The following DMD variants were observed in gnomAD, a reference collection of about 807,000 sequenced individuals.
The protein encoded by DMD is dystrophin, also known as mutant dystrophin.
DMD carries 63 observed loss-of-function variants against 330.1 expected under a neutral mutation model. The observed-to-expected ratio is 0.19, with a 90% CI of 0.16 to 0.24. The LOEUF is 0.24. DMD is among the 10% of genes least tolerant of loss of function. The pLI is 1.00. For synonymous variants in DMD, 1,223 were observed against 959.8 expected, an observed-to-expected ratio of 1.27 and a Z score of -5.07; for missense variants, 3,344 against 2,684.1, an observed-to-expected ratio of 1.25 and a Z score of -5.43.
At chrX:32,411,364 T>C (rs771900821) in intron 30 of DMD, among the ~76,000 whole-genome samples, 1 of 110,641 alleles carries the variant, frequency 9.0e-6, no homozygotes, top group East Asian at 2.9e-4. Context: ...CTCCTGACAT[T>C]GTGATTCGTG....
intron 45 of DMD, among the ~76,000 whole-genome samples, chrX:31,963,785 AC>A (rs1208490511): frequency 2.1e-5 from 2 of 94,430 alleles, no homozygotes; most frequent in African/African-American, 8.6e-5. Context: ...TAGAGGAAAA[AC>A]CTTTTTTTTT....
In DMD at chrX:32,454,528, TATTA is replaced by T. The variant is rs1174129664; in HGVS notation, c.3603+130_3603+133del. ...ATTAAACTTGAAGCTAAATTAAAAT[TATTA>T]ATTAAAAATCAACCTCTTCTCTTAG... On this transcript the variant is annotated intron_variant, in intron 26 of 78. Coordinates refer to ENST00000357033, the MANE Select transcript of DMD (RefSeq NM_004006.3). The T allele has an allele frequency of 8.1e-5, 41 of 505,504 alleles. No individual in the cohort carries two copies. In the East Asian group the frequency reaches 1.3e-3, roughly 16 times the overall value. The allele number at this position is 505,504 out of a possible 1,213,427, so 41.7% of individuals were successfully genotyped here. A position where few individuals can be genotyped will look rare whatever the true frequency, so the allele number is the denominator to read the frequency against.
At chrX:32,495,083 A>T (rs2043357231) in intron 19 of DMD, among the ~76,000 whole-genome samples, 1 of 112,263 alleles carries the variant, frequency 8.9e-6, no homozygotes, top group Non-Finnish European at 1.9e-5. Flanking sequence ...TTTCAAAAAA[A>T]ACGTGGAAAT....
intron 44 of DMD, among the ~76,000 whole-genome samples, chrX:32,125,122 A>G (rs1333258373): frequency 9.0e-6 from 1 of 110,763 alleles, no homozygotes; most frequent in African/African-American, 3.3e-5. Context: ...TGAAGGAGAA[A>G]TCTAGCCAAG....
chrX:31,771,593 C>T (rs1257895054), intron 51 of DMD, among the ~76,000 whole-genome samples: 2 of 109,406 alleles, frequency 1.8e-5, no homozygotes, highest in East Asian at 2.9e-4. Flanking sequence ...ACCTCTGGTC[C>T]AGGATTCAAG....
At chrX:33,129,393 CA>C (rs1482870721) in intron 1 of DMD, among the ~76,000 whole-genome samples, 1 of 77,433 alleles carries the variant, frequency 1.3e-5, no homozygotes, top group African/African-American at 5.2e-5. Flanking sequence ...ATGTGCTCAA[CA>C]TATGTTTATT....
intron 9 of DMD, among the ~76,000 whole-genome samples, chrX:32,656,803 TTTTAA>T (rs2060605691): frequency 8.9e-6 from 1 of 111,851 alleles, no homozygotes; most frequent in Non-Finnish European, 1.9e-5. Context: ...TTTGGGGTAA[TTTTAA>T]TTTCTTATTT....
chrX:32,154,389 G>A (rs1158114884), intron 44 of DMD, among the ~76,000 whole-genome samples: 1 of 111,849 alleles, frequency 8.9e-6, no homozygotes, highest in African/African-American at 3.2e-5. Context: ...TTACATAACC[G>A]TATGTTAATT....
At chrX:32,356,881 T>C (rs1296720761) in intron 37 of DMD, among the ~76,000 whole-genome samples, 2 of 111,901 alleles carry the variant, frequency 1.8e-5, no homozygotes, top group Non-Finnish European at 3.8e-5. Context: ...TATTTTATTA[T>C]TGAAATTTTT....
intron 55 of DMD, among the ~76,000 whole-genome samples, chrX:31,615,116 C>G (rs5972419): frequency 0.018 from 1,949 of 111,279 alleles, 19 homozygotes; most frequent in East Asian, 0.039. Context: ...AGACCAATAA[C>G]CCTAAAAAAT....
At chrX:31,309,228 A>G (rs920072716) in intron 62 of DMD, among the ~76,000 whole-genome samples, 1 of 112,361 alleles carries the variant, frequency 8.9e-6, no homozygotes, top group Non-Finnish European at 1.9e-5. Flanking sequence ...CTGAGGAGAC[A>G]AGGGATCTGA....
intron 57 of DMD, among the ~76,000 whole-genome samples, chrX:31,480,057 A>G (rs1450123809): frequency 1.8e-5 from 2 of 112,238 alleles, no homozygotes; most frequent in Non-Finnish European, 3.8e-5. Context: ...TGCTAATATA[A>G]CTGTTTAACA....
chrX:32,650,203 C>A (rs1388907264), intron 9 of DMD, among the ~76,000 whole-genome samples: 1 of 111,933 alleles, frequency 8.9e-6, no homozygotes, highest in Non-Finnish European at 1.9e-5. Flanking sequence ...AGTTTTATAT[C>A]ACTGATAAAA....
At chrX:31,489,013 A>C (rs761603001) in intron 57 of DMD, among the ~76,000 whole-genome samples, 75 of 112,147 alleles carry the variant, frequency 6.7e-4, no homozygotes, top group African/African-American at 2.2e-3. Flanking sequence ...TGAGATACAC[A>C]GCTCATCTTG....
chrX:31,135,351 T>C (rs1039961399), intron 76 of DMD, among the ~76,000 whole-genome samples: 2 of 112,291 alleles, frequency 1.8e-5, no homozygotes, highest in East Asian at 2.8e-4. Flanking sequence ...TCCAATGTAA[T>C]AGAAATAAAA....
At chrX:32,904,820 C>A (rs2149314586) in intron 2 of DMD, among the ~76,000 whole-genome samples, 1 of 112,323 alleles carries the variant, frequency 8.9e-6, no homozygotes, top group East Asian at 2.8e-4. Flanking sequence ...AGGTAATCCA[C>A]CTGCCTTGGC....
chrX:32,751,698 G>A (rs2070835905), intron 7 of DMD, among the ~76,000 whole-genome samples: 1 of 112,225 alleles, frequency 8.9e-6, no homozygotes, highest in South Asian at 3.7e-4. Context: ...ATGTCTCCAG[G>A]GCACGTCAGA....
At position 33,137,435 on chromosome X, in the gene DMD, A is replaced by C. The variant is rs185301614; in HGVS notation, c.31+73847T>G. 6.2e-5 allele frequency among the ~76,000 whole-genome samples: 7 copies of C among 112,271 alleles called. No individual in the cohort carries two copies. In the East Asian group the frequency reaches 2.0e-3, roughly 31 times the overall value. ...AGGAACGGACAAATTAGAAAGTGAA[A>C]TGTGAGACAATAGAAAGTTTGATGT... is the stretch of plus-strand genomic sequence containing the variant. On this transcript the variant is annotated intron_variant, in intron 1 of 78. Transcript: ENST00000357033.
At chrX:32,133,370 T>C in intron 44 of DMD, among the ~76,000 whole-genome samples, 1 of 110,915 alleles carries the variant, frequency 9.0e-6, no homozygotes, top group East Asian at 2.8e-4. Context: ...AATGTTAGAG[T>C]CCTTAGTCAC....
Sources: allele counts gnomAD v4.1 joint callset (sites outside exome capture counted in the v4.1 genomes callset), GRCh38; gene constraint gnomAD v4.1.1; transcripts MANE v1.5; gene names NCBI Gene and HGNC (gene_info 2026-07-23, HGNC 2026-07-21).